Variants in THSD7A observed in about 807,000 individuals in gnomAD.
THSD7A encodes thrombospondin type-1 domain-containing protein 7A.
THSD7A carries 96 observed loss-of-function variants against 231.3 expected under a neutral mutation model. The observed-to-expected ratio is 0.41, with a 90% CI of 0.35 to 0.49. The LOEUF (loss-of-function observed/expected upper bound fraction) is 0.49. THSD7A is among the 20% of genes least tolerant of loss of function. The pLI is 0.05. For synonymous variants in THSD7A, 940 were observed against 743.3 expected (o/e 1.26, Z -4.30); for missense variants, 2,290 against 2,070.2 (o/e 1.11, Z -2.06).
chr7:11,646,178 T>C (rs1294692188), intron 1 of THSD7A, among the ~76,000 whole-genome samples: 1 of 151,988 alleles, frequency 6.6e-6, no homozygotes, highest in East Asian at 1.9e-4. Flanking sequence ...CCTCAATATC[T>C]ATTAAAATTT....
intron 6 of THSD7A, among the ~76,000 whole-genome samples, chr7:11,487,424 GGTTTTTATA>G (rs1349785779): frequency 6.6e-6 from 1 of 152,014 alleles, no homozygotes; most frequent in Admixed American, 6.6e-5. Context: ...GGTTTATCAA[GGTTTTTATA>G]GTTTCAATGT....
At chr7:11,761,978 C>T (rs1360827713) in intron 1 of THSD7A, among the ~76,000 whole-genome samples, 1 of 152,002 alleles carries the variant, frequency 6.6e-6, no homozygotes, top group Non-Finnish European at 1.5e-5. Context: ...AACTGTATAC[C>T]ACTTATAACT....
chr7:11,461,274 T>C (rs1785495999), intron 10 of THSD7A, among the ~76,000 whole-genome samples: 1 of 152,188 alleles, frequency 6.6e-6, no homozygotes, highest in South Asian at 2.1e-4. Flanking sequence ...GGTGTAAGTA[T>C]ACAATTATAG....
At chr7:11,689,846 A>T (rs1433445670) in intron 1 of THSD7A, among the ~76,000 whole-genome samples, 1 of 151,078 alleles carries the variant, frequency 6.6e-6, no homozygotes, top group African/African-American at 2.4e-5. Context: ...TTGGACAAAG[A>T]CCACAAAGCA....
At chr7:11,714,001 A>G (rs373848817) in intron 1 of THSD7A, among the ~76,000 whole-genome samples, 27 of 151,288 alleles carry the variant, frequency 1.8e-4, no homozygotes, top group East Asian at 1.6e-3. Flanking sequence ...TGCGTCATAT[A>G]CAATAATGCT....
At chr7:11,546,931 G>T (rs1392504052) in intron 4 of THSD7A, among the ~76,000 whole-genome samples, 2 of 152,178 alleles carry the variant, frequency 1.3e-5, no homozygotes, top group East Asian at 3.8e-4. Context: ...ATTAACAGCA[G>T]AATAGACCAA....
rs1562614493 is a variant in THSD7A, at chr7:11,444,912, TAATGAAACTATATATGTATATATAG to T, written c.3064+1124_3064+1148del. On this transcript the variant is annotated intron_variant, in intron 13 of 27. Coordinates refer to ENST00000423059, the MANE Select transcript of THSD7A (RefSeq NM_015204.3). The surrounding 1 kb of genome is among the most constrained non-coding windows in gnomAD (Gnocchi z 4.2). ...ATATATATAAAATGCTGTATATATA[TAATGAAACTATATATGTATATATAG>T]AATGAAACTATATATATGTATATAT... Among the ~76,000 whole-genome samples the T allele has an allele frequency of 6.8e-6, 1 of 147,824 alleles. No individual in the cohort carries two copies. The highest frequency in any genetic ancestry group is 2.5e-5 in the African/African-American group (1 of 40,684).
chr7:11,786,775 A>AAG (rs1783808208), intron 1 of THSD7A, among the ~76,000 whole-genome samples: 1 of 148,524 alleles, frequency 6.7e-6, no homozygotes, highest in Non-Finnish European at 1.5e-5. Context: ...AAAAAAAAAA[A>AAG]AAAAAGAAAA....
intron 6 of THSD7A, among the ~76,000 whole-genome samples, chr7:11,518,594 T>G (rs971406178): frequency 3.4e-5 from 3 of 87,392 alleles, no homozygotes; most frequent in African/African-American, 1.4e-4. Context: ...GGAAATAAAA[T>G]AGAAACACAC....
At chr7:11,780,295 A>G (rs2128174327) in intron 1 of THSD7A, among the ~76,000 whole-genome samples, 1 of 152,324 alleles carries the variant, frequency 6.6e-6, no homozygotes, top group Middle Eastern at 3.4e-3. Flanking sequence ...CACTGTCTTC[A>G]TATAGTTTCT....
At chr7:11,489,404 C>G (rs543523452) in intron 6 of THSD7A, among the ~76,000 whole-genome samples, 4 of 152,176 alleles carry the variant, frequency 2.6e-5, no homozygotes, top group East Asian at 1.9e-4. Context: ...AGGAAACTTG[C>G]AATTGTAATT....
chr7:11,647,751 T>C (rs1313523285), intron 1 of THSD7A, among the ~76,000 whole-genome samples: 2 of 152,104 alleles, frequency 1.3e-5, no homozygotes, highest in African/African-American at 4.8e-5. Flanking sequence ...AATGAATTGC[T>C]GTTCTATTTG....
intron 1 of THSD7A, among the ~76,000 whole-genome samples, chr7:11,726,560 C>T (rs1283326674): frequency 6.6e-6 from 1 of 151,930 alleles, no homozygotes; most frequent in East Asian, 1.9e-4. Flanking sequence ...TTTTTGCACC[C>T]TAATGGTTCC....
At chr7:11,815,956 C>A (rs1784682210) in intron 1 of THSD7A, among the ~76,000 whole-genome samples, 1 of 152,060 alleles carries the variant, frequency 6.6e-6, no homozygotes, top group South Asian at 2.1e-4. Flanking sequence ...CACAACTGTT[C>A]CTTCTCTGCC....
Position 11,634,457 on chromosome 7 carries a change from T to C in THSD7A, c.1022+1673A>G, listed in dbSNP as rs911106348. On this transcript the variant is annotated intron_variant, in intron 2 of 27. Transcript: ENST00000423059. The surrounding 1 kb of genome is among the most constrained non-coding windows in gnomAD (Gnocchi z 4.1). ...TTGTCTTGGAGACTCATTCAATTATTTGATGTCAGCCAAGTAACTAATATA... is the reference window on the plus strand; with the variant it reads ...TTGTCTTGGAGACTCATTCAATTATCTGATGTCAGCCAAGTAACTAATATA... 2.0e-5 allele frequency among the ~76,000 whole-genome samples: 3 copies of C among 152,162 alleles called. No homozygotes were observed. Among genetic ancestry groups the C allele is most frequent in the Non-Finnish European group, 2.9e-5 (2 of 68,022 alleles).
At chr7:11,482,332 C>T (rs1178084059) in intron 6 of THSD7A, among the ~76,000 whole-genome samples, 1 of 152,078 alleles carries the variant, frequency 6.6e-6, no homozygotes, top group African/African-American at 2.4e-5. Context: ...AAGCATGTCC[C>T]CTCTTTCTTT....
chr7:11,745,696 T>C (rs1034537893), intron 1 of THSD7A, among the ~76,000 whole-genome samples: 2 of 152,106 alleles, frequency 1.3e-5, no homozygotes, highest in Admixed American at 6.6e-5. Flanking sequence ...ATTTATTAAA[T>C]AGGGAATCCT....
chr7:11,421,421 TGAAGGCTCCCGAGCCA>T (rs1784138708), intron 16 of THSD7A, among the ~76,000 whole-genome samples: 1 of 150,766 alleles, frequency 6.6e-6, no homozygotes, highest in Admixed American at 6.6e-5. Context: ...GTAAGTTTCC[TGAAGGCTCCCGAGCCA>T]TGTCTCTCCT....
chr7:11,499,882 T>G (rs908562746), intron 6 of THSD7A, among the ~76,000 whole-genome samples: 1 of 152,160 alleles, frequency 6.6e-6, no homozygotes, highest in African/African-American at 2.4e-5. Context: ...AACAAACAAC[T>G]TGGAAAATAT....
Sources: gnomAD v4.1 joint callset for allele counts (sites outside exome capture counted in the v4.1 genomes callset) on GRCh38, gnomAD v4.1.1 for gene constraint, Gnocchi (gnomAD v3.1) non-coding constraint, MANE v1.5 for transcripts, NCBI Gene and HGNC (gene_info 2026-07-23, HGNC 2026-07-21) for gene names.